Variants in PLGRKT observed in about 807,000 individuals in gnomAD.
The protein encoded by PLGRKT is plasminogen receptor (KT).
PLGRKT carries 22 observed loss-of-function variants against 18.5 expected under a neutral mutation model. The ratio of observed to expected loss-of-function variants is 1.19; its 90% CI spans 0.85 to 1.70. The LOEUF (loss-of-function observed/expected upper bound fraction) is 1.70. Ranked by LOEUF, PLGRKT falls within the 40% of genes most tolerant of loss-of-function variation. PLGRKT has a pLI of 0.00. For synonymous variants in PLGRKT, 72 were observed against 52.8 expected (o/e 1.36, Z -1.58); for missense variants, 235 against 174.4 (o/e 1.35, Z -1.96).
intron 4 of PLGRKT, 123 bp downstream of exon 4, chr9:5,361,635 G>A: frequency 2.4e-6 from 2 of 846,204 alleles, no homozygotes; most frequent in Non-Finnish European, 3.6e-6. Flanking sequence ...AGGTTAATAG[G>A]TTACTTTGGT....
At chr9:5,366,831 T>C (rs1221935624) in intron 3 of PLGRKT, among the ~76,000 whole-genome samples, 1 of 152,144 alleles carries the variant, frequency 6.6e-6, no homozygotes, top group Admixed American at 6.6e-5. Context: ...AATATGATTC[T>C]ATATTAGGAA....
intron 5 of PLGRKT, among the ~76,000 whole-genome samples, 172 bp from the exon 6 acceptor site, chr9:5,358,532 G>A (rs1033735403): frequency 2.0e-5 from 3 of 152,114 alleles, no homozygotes; most frequent in Non-Finnish European, 2.9e-5. Flanking sequence ...AGGAAACACA[G>A]TGATGAATTC....
chr9:5,359,070 T>A (rs375827759), intron 5 of PLGRKT, among the ~76,000 whole-genome samples: 2,162 of 152,058 alleles, frequency 0.014, 22 homozygotes, highest in Non-Finnish European at 0.024. Context: ...TTTTATTTTT[T>A]TTTTTTTTTT....
chr9:5,367,128 T>C (rs1817411284), intron 3 of PLGRKT, among the ~76,000 whole-genome samples: 1 of 151,240 alleles, frequency 6.6e-6, no homozygotes, highest in South Asian at 2.1e-4. Flanking sequence ...TCCACGCTCA[T>C]GAATTGGAAG....
chr9:5,377,986 G>A lies in PLGRKT; in HGVS notation c.82-16098C>T, dbSNP rs138235077. Among the ~76,000 whole-genome samples, 1,034 of 152,212 alleles carry A rather than the reference G, an allele frequency of 6.8e-3. 6 individuals are homozygous for A. Among genetic ancestry groups the A allele is most frequent in the African/African-American group, 0.024 (988 of 41,524 alleles). Reference sequence around the variant, plus strand: ...TCCCAGAGTAAACCTTTGTTCTCTGGCAATTGTGGGGTTCTTCAGCCTGCT... The same window carrying A: ...TCCCAGAGTAAACCTTTGTTCTCTGACAATTGTGGGGTTCTTCAGCCTGCT... On this transcript the variant is annotated intron_variant, in intron 3 of 5. Coordinates refer to ENST00000223864, the MANE Select transcript of PLGRKT (RefSeq NM_018465.4).
intron 3 of PLGRKT, among the ~76,000 whole-genome samples, chr9:5,395,295 G>C (rs1278498083): frequency 6.6e-6 from 1 of 151,806 alleles, no homozygotes; most frequent in Non-Finnish European, 1.5e-5. Flanking sequence ...ATATGCTGTA[G>C]ATATATGAAA....
At chr9:5,430,557 T>C (rs1047386815) in intron 3 of PLGRKT, among the ~76,000 whole-genome samples, 1 of 152,216 alleles carries the variant, frequency 6.6e-6, no homozygotes, top group African/African-American at 2.4e-5. Context: ...GAGGCATTGT[T>C]CTATATATTT....
chr9:5,419,165 C>T (rs1818523839), intron 3 of PLGRKT, among the ~76,000 whole-genome samples: 1 of 152,170 alleles, frequency 6.6e-6, no homozygotes, highest in Non-Finnish European at 1.5e-5. Flanking sequence ...CAGCGGGGCA[C>T]ATCTTCTTTC....
intron 3 of PLGRKT, among the ~76,000 whole-genome samples, chr9:5,388,535 C>T (rs1817888005): frequency 6.6e-6 from 1 of 151,958 alleles, no homozygotes; most frequent in Non-Finnish European, 1.5e-5. Context: ...TCTTCACAAA[C>T]TGGCCTACTC....
At chr9:5,416,131 T>G (rs188891230) in intron 3 of PLGRKT, among the ~76,000 whole-genome samples, 208 of 150,978 alleles carry the variant, frequency 1.4e-3, no homozygotes, top group Non-Finnish European at 2.5e-3. Flanking sequence ...AAATTAAACA[T>G]TTTTTTTAAA....
At chr9:5,374,170 G>A (rs1364101148) in intron 3 of PLGRKT, among the ~76,000 whole-genome samples, 4 of 152,174 alleles carry the variant, frequency 2.6e-5, no homozygotes, top group Admixed American at 6.5e-5. Context: ...GGGAAATGGA[G>A]AGCAAAATCT....
chr9:5,377,348 T>C (rs1817649573), intron 3 of PLGRKT, among the ~76,000 whole-genome samples: 1 of 151,976 alleles, frequency 6.6e-6, no homozygotes, highest in Non-Finnish European at 1.5e-5. Flanking sequence ...TCCATATAAA[T>C]GTATTATATA....
chr9:5,358,288 C>G lies in PLGRKT; in HGVS notation c.395G>C (p.Ser132Thr). The change falls in exon 6 of 6, where the codon AGC becomes ACC. Residue 132 changes from serine (S) to threonine (T), a missense_variant. Transcript: ENST00000223864. Reference sequence around the variant, plus strand: ...CTGTTCCTTTCTGGCTTTTTCAATGCTTTCAAAAGTGATCATTCCTCTTGG... The same window carrying G: ...CTGTTCCTTTCTGGCTTTTTCAATGGTTTCAAAAGTGATCATTCCTCTTGG... ...QLPRGMITFE[S>T]IEKARKEQSR... The G allele has an allele frequency of 6.2e-7, 1 of 1,608,862 alleles. No individual in the cohort carries two copies. The highest frequency in any genetic ancestry group is 8.5e-7 in the Non-Finnish European group (1 of 1,175,396).
At chr9:5,422,637 C>T (rs1177438729) in intron 3 of PLGRKT, among the ~76,000 whole-genome samples, 3 of 152,084 alleles carry the variant, frequency 2.0e-5, no homozygotes, top group Admixed American at 1.3e-4. Flanking sequence ...TGTGAAGCAA[C>T]TGAAATTAGG....
intron 3 of PLGRKT, among the ~76,000 whole-genome samples, chr9:5,407,304 A>G (rs1428986826): frequency 6.6e-6 from 1 of 152,186 alleles, no homozygotes; most frequent in Non-Finnish European, 1.5e-5. Context: ...CTTGAACTGA[A>G]CCTACCCATG....
At chr9:5,361,714 A>C in intron 4 of PLGRKT, 44 bp downstream of exon 4, 1 of 1,570,288 alleles carries the variant, frequency 6.4e-7, no homozygotes, top group Non-Finnish European at 8.6e-7. Flanking sequence ...GGAAAACACA[A>C]AAAGAAGTAA....
intron 3 of PLGRKT, among the ~76,000 whole-genome samples, chr9:5,414,643 AACTT>A (rs765293207): frequency 2.6e-4 from 39 of 152,332 alleles, no homozygotes; most frequent in Admixed American, 1.8e-3. Context: ...TAACCTTACT[AACTT>A]AGGAAAACAA....
intron 3 of PLGRKT, among the ~76,000 whole-genome samples, chr9:5,417,503 A>C (rs1818486518): frequency 6.6e-6 from 1 of 152,178 alleles, no homozygotes; most frequent in Non-Finnish European, 1.5e-5. Context: ...ACCAAAAACA[A>C]CAAAAGAAAA....
intron 3 of PLGRKT, among the ~76,000 whole-genome samples, chr9:5,381,683 A>AT (rs1181584007): frequency 1.2e-5 from 1 of 82,984 alleles, no homozygotes; most frequent in Non-Finnish European, 2.4e-5. Flanking sequence ...AACACGCTTT[A>AT]AAAGGGGTCA....
Sources: gnomAD v4.1 joint callset for allele counts (sites outside exome capture counted in the v4.1 genomes callset) on GRCh38, gnomAD v4.1.1 for gene constraint, MANE v1.5 for transcripts, NCBI Gene and HGNC (gene_info 2026-07-23, HGNC 2026-07-21) for gene names.